The following HERC6 variants were observed in gnomAD, a reference collection of about 807,000 sequenced individuals.
The protein encoded by HERC6 is HECT and RLD domain containing E3 ubiquitin protein ligase family member 6.
A neutral mutation model predicts 114.5 loss-of-function variants in HERC6; 101 were observed. The ratio of observed to expected loss-of-function variants is 0.88; its 90% CI spans 0.75 to 1.04. HERC6 has a LOEUF of 1.04. HERC6 is among the 50% of genes least tolerant of loss of function. HERC6 has a pLI of 0.00. For synonymous variants in HERC6, 408 were observed against 436.2 expected, an observed-to-expected ratio of 0.94 and a Z score of 0.81; for missense variants, 1,133 against 1,230.9, an observed-to-expected ratio of 0.92 and a Z score of 1.19.
chr4:88,437,647 T>A, intron 19 of HERC6, 64 bp from the exon 20 acceptor site: 1 of 973,028 alleles, frequency 1.0e-6, no homozygotes, highest in Non-Finnish European at 1.6e-6. Context: ...AATAAAGATA[T>A]TATGGGTGGT....
In HERC6 at chr4:88,385,548, C is replaced by T; in HGVS notation, c.409C>T (p.His137Tyr). The change falls in exon 3 of 23, where the codon CAC becomes TAC. Residue 137 changes from histidine to tyrosine, a missense_variant. Physicochemically the swap from His to Tyr is moderately conservative, Grantham distance 83. Coordinates refer to ENST00000264346, the MANE Select transcript of HERC6 (RefSeq NM_017912.4). ...AAAAATAATACAAGTTTCCTGTGGA[C>T]ACTACCACTCCCTGGCATTATCAAA... Reference protein sequence around the residue: ...DIKIIQVSCGHYHSLALSKDS... With the variant: ...DIKIIQVSCGYYHSLALSKDS... The T allele has an allele frequency of 6.6e-7, 1 of 1,505,534 alleles. No homozygotes were observed. The highest frequency in any genetic ancestry group is 8.9e-7 in the Non-Finnish European group (1 of 1,120,958). The allele number at this position is 1,505,534 out of a possible 1,614,324, so 93.3% of individuals were successfully genotyped here. A position where few individuals can be genotyped will look rare whatever the true frequency, so the allele number is the denominator to read the frequency against.
In HERC6 at chr4:88,442,356, C is replaced by A; in HGVS notation, c.2965C>A (p.Leu989Ile). The change falls in exon 23 of 23, where the codon CTC becomes ATC. Residue 989 changes from leucine (L) to isoleucine (I), a missense_variant. Leu to Ile is a conservative substitution (Grantham distance 5). Transcript: ENST00000264346. ...AACATCAATAACTTGTCATAATATT[C>A]TCTCCCTCCCTAAGTATTCTACAAT... ...HPTSITCHNI[L>I]SLPKYSTMER... The A allele has an allele frequency of 1.2e-6, 2 of 1,613,680 alleles. No individual in the cohort carries two copies. Among genetic ancestry groups the A allele is most frequent in the Non-Finnish European group, 1.7e-6 (2 of 1,179,724 alleles).
chr4:88,428,455 G>GATTATTT (rs1178094289), intron 15 of HERC6, 125 bp from the exon 16 acceptor site: 3 of 638,960 alleles, frequency 4.7e-6, no homozygotes, highest in Non-Finnish European at 7.5e-6. Context: ...ATTACAATGT[G>GATTATTT]AATGTTTATA....
At chr4:88,422,752 A>T (rs1378874034) in intron 13 of HERC6, among the ~76,000 whole-genome samples, 1 of 152,166 alleles carries the variant, frequency 6.6e-6, no homozygotes, top group Non-Finnish European at 1.5e-5. Context: ...TCATGAAATT[A>T]TTTGGGGAAT....
chr4:88,381,781 C>T (rs1437167795), intron 1 of HERC6, among the ~76,000 whole-genome samples: 1 of 152,002 alleles, frequency 6.6e-6, no homozygotes, highest in Admixed American at 6.6e-5. Flanking sequence ...TGGTCTCAAA[C>T]TCCTGACCTC....
chr4:88,382,758 G>A (rs1734385436), intron 1 of HERC6, among the ~76,000 whole-genome samples: 2 of 152,158 alleles, frequency 1.3e-5, no homozygotes, highest in African/African-American at 4.8e-5. Flanking sequence ...TTGATAACGT[G>A]TTCCAGGAAG....
chr4:88,422,841 C>T (rs545122353), intron 13 of HERC6, among the ~76,000 whole-genome samples: 3 of 151,968 alleles, frequency 2.0e-5, no homozygotes, highest in African/African-American at 7.2e-5. Flanking sequence ...ATCTATAAAC[C>T]TTTTGGGTCT....
At chr4:88,413,680 T>C (rs1417776367) in intron 12 of HERC6, among the ~76,000 whole-genome samples, 1 of 152,238 alleles carries the variant, frequency 6.6e-6, no homozygotes, top group Non-Finnish European at 1.5e-5. Context: ...TTTACTTTAT[T>C]CAGTACTGTA....
chr4:88,379,078 G>T lies in HERC6; in HGVS notation c.157G>T (p.Gly53Cys). The stretch of plus-strand genomic sequence containing the variant: ...CCTCTCGTGCGGAGACAACAGCAGG[G>T]GTCAGCTGGGCCGCAGGGGCGCGCA... Reference protein sequence around the residue: ...RVLSCGDNSRGQLGRRGAQRG... With the variant: ...RVLSCGDNSRCQLGRRGAQRG... Residue 53 changes from glycine to cysteine, a missense_variant, in exon 1 of 23, where the codon GGT becomes TGT. Transcript: ENST00000264346. 1.3e-6 allele frequency: 2 copies of T among 1,550,186 alleles called. No homozygotes were observed. Among genetic ancestry groups the T allele is most frequent in the South Asian group, 1.2e-5 (1 of 84,260 alleles).
chr4:88,384,292 G>T (rs968232743), intron 2 of HERC6, among the ~76,000 whole-genome samples: 1 of 152,140 alleles, frequency 6.6e-6, no homozygotes, highest in Non-Finnish European at 1.5e-5. Context: ...AATAACCTTT[G>T]TCTTTTCTCT....
chr4:88,417,680 G>A, intron 13 of HERC6, 101 bp downstream of exon 13: 1 of 940,648 alleles, frequency 1.1e-6, no homozygotes, highest in Non-Finnish European at 1.5e-6. Flanking sequence ...AAAATCATGA[G>A]GAGTCAAATG....
intron 1 of HERC6, among the ~76,000 whole-genome samples, chr4:88,379,633 TATAAAAATATATATATAAA>T: frequency 1.6e-5 from 2 of 125,798 alleles, no homozygotes; most frequent in Admixed American, 2.1e-4. Flanking sequence ...AATATATATA[TATAAAAATATATATATAAA>T]ATATATAAAT....
intron 20 of HERC6, 146 bp from the exon 21 acceptor site, chr4:88,439,728 G>T (rs1342919044): frequency 3.0e-6 from 2 of 666,880 alleles, no homozygotes; most frequent in South Asian, 4.9e-5. Flanking sequence ...CCAGGTTTTG[G>T]TCACAATACA....
rs542335462 is a variant in HERC6, at chr4:88,427,019, T to A, written c.1936-1561T>A. 9.1e-4 allele frequency among the ~76,000 whole-genome samples: 139 copies of A among 152,322 alleles called. 1 individual carries two copies. Among genetic ancestry groups the A allele is most frequent in the African/African-American group, 3.1e-3 (130 of 41,570 alleles). ...CTGGGTCATTTGTCTATTCTGCTAG[T>A]GAGTAGTCGAGGGTTGAGTGAATAA... On this transcript the variant is annotated intron_variant, in intron 15 of 22. Coordinates refer to ENST00000264346, the MANE Select transcript of HERC6 (RefSeq NM_017912.4).
At chr4:88,382,491 A>G (rs887294348) in intron 1 of HERC6, among the ~76,000 whole-genome samples, 8 of 152,090 alleles carry the variant, frequency 5.3e-5, no homozygotes, top group African/African-American at 1.9e-4. Context: ...AATGGAGGAG[A>G]TCCCAACTTT....
chr4:88,440,854 T>A (rs1739278937), intron 22 of HERC6, among the ~76,000 whole-genome samples: 1 of 152,186 alleles, frequency 6.6e-6, no homozygotes, highest in African/African-American at 2.4e-5. Context: ...AAGAAGTGAT[T>A]TCTTGGACTG....
Position 88,394,462 on chromosome 4 carries a change from G to C in HERC6, c.759+880G>C, listed in dbSNP as rs577213738. On this transcript the variant is annotated intron_variant, in intron 5 of 22. Coordinates refer to ENST00000264346, the MANE Select transcript of HERC6 (RefSeq NM_017912.4). ...CACTCCAGCCTGGTTGACACAGCAA[G>C]ACTCTCCTGTCCAAAAAAAAAAAAA... Among the ~76,000 whole-genome samples the C allele has an allele frequency of 2.1e-3, 223 of 103,854 alleles. 1 individual carries two copies. Among genetic ancestry groups the C allele is most frequent in the African/African-American group, 7.4e-3 (192 of 25,874 alleles). 68.1% of individuals were successfully genotyped at this position (103,854 alleles called of 152,430 possible). A position where few individuals can be genotyped will look rare whatever the true frequency, so the allele number is the denominator to read the frequency against.
chr4:88,433,728 C>T (rs1170370672), intron 17 of HERC6, among the ~76,000 whole-genome samples: 2 of 152,134 alleles, frequency 1.3e-5, no homozygotes, highest in Admixed American at 1.3e-4. Flanking sequence ...ATAAATTACC[C>T]GGTTTCAGAT....
intron 16 of HERC6, among the ~76,000 whole-genome samples, chr4:88,429,999 G>A (rs1363881471): frequency 6.6e-6 from 1 of 152,154 alleles, no homozygotes; most frequent in Non-Finnish European, 1.5e-5. Context: ...GTATAAATGA[G>A]CAGAAATAGG....
Sources: allele counts gnomAD v4.1 joint callset (sites outside exome capture counted in the v4.1 genomes callset), GRCh38; gene constraint gnomAD v4.1.1; transcripts MANE v1.5; gene names NCBI Gene and HGNC (gene_info 2026-07-23, HGNC 2026-07-21).